Variants in CAMK2D observed in about 807,000 individuals in gnomAD.
CAMK2D encodes calcium/calmodulin dependent protein kinase II delta, also known as calcium/calmodulin-dependent protein kinase type II subunit delta.
CAMK2D carries 37 observed loss-of-function variants against 84.0 expected under a neutral mutation model. The ratio of observed to expected loss-of-function variants is 0.44; its 90% confidence interval spans 0.34 to 0.58. CAMK2D has a LOEUF of 0.58. Ranked by LOEUF, CAMK2D falls within the 20% of genes least tolerant of loss-of-function variation. The pLI is 0.02. For missense variants in CAMK2D, 448 were observed against 652.5 expected (o/e 0.69, Z 3.41); for synonymous variants, 202 against 212.5 (o/e 0.95, Z 0.43).
intron 3 of CAMK2D, among the ~76,000 whole-genome samples, chr4:113,623,536 A>G (rs1483853165): frequency 6.6e-6 from 1 of 152,124 alleles, no homozygotes; most frequent in Admixed American, 6.6e-5. Flanking sequence ...AGCCTACTAC[A>G]CACCTAGCCT....
chr4:113,616,380 T>C (rs923537692), intron 3 of CAMK2D, among the ~76,000 whole-genome samples: 9 of 152,148 alleles, frequency 5.9e-5, no homozygotes, highest in Non-Finnish European at 1.0e-4. Flanking sequence ...ACCCCACTCC[T>C]GATTCAAGAT....
chr4:113,465,746 C>T (rs1350399413), intron 16 of CAMK2D, 142 bp from the exon 17 acceptor site: 5 of 601,646 alleles, frequency 8.3e-6, no homozygotes, highest in Non-Finnish European at 1.5e-5. Flanking sequence ...CTCCCTACAG[C>T]CTTGACCTCC....
intron 2 of CAMK2D, chr4:113,754,169 T>C (rs1474021056): frequency 1.1e-6 from 1 of 927,842 alleles, no homozygotes; most frequent in Non-Finnish European, 1.3e-6. Flanking sequence ...CTAGAAATAC[T>C]ATTGTAACTT....
In CAMK2D at chr4:113,454,401, C is replaced by T; in HGVS notation, c.*144G>A. The T allele has an allele frequency of 2.7e-6, 2 of 737,106 alleles. No individual in the cohort carries two copies. Among genetic ancestry groups the T allele is most frequent in the Non-Finnish European group, 5.0e-6 (2 of 396,050 alleles). 45.7% of individuals were successfully genotyped at this position (737,106 alleles called of 1,614,324 possible). On this transcript the variant is annotated 3_prime_UTR_variant, in exon 21 of 21. Transcript: ENST00000511664. ...ATCACATATGCATTACATGTAGGAC[C>T]TTCACAACTTCATGCACTCAGAAAC... is the stretch of plus-strand genomic sequence containing the variant.
chr4:113,710,786 T>C (rs781550209), intron 2 of CAMK2D, among the ~76,000 whole-genome samples: 1 of 152,162 alleles, frequency 6.6e-6, no homozygotes, highest in Admixed American at 6.5e-5. Flanking sequence ...AGAGAAAATA[T>C]AGAATCAAAG....
intron 17 of CAMK2D, among the ~76,000 whole-genome samples, chr4:113,462,974 T>G (rs75999547): frequency 0.03 from 4,499 of 152,290 alleles, 222 homozygotes; most frequent in African/African-American, 0.1. Context: ...TATAAACAAT[T>G]GTTTAATAGG....
At chr4:113,611,192 A>G (rs2098998973) in intron 3 of CAMK2D, among the ~76,000 whole-genome samples, 1 of 152,200 alleles carries the variant, frequency 6.6e-6, no homozygotes, top group South Asian at 2.1e-4. Flanking sequence ...AGCCTTGCTT[A>G]AACTTATGCT....
chr4:113,608,778 T>C (rs906455396), intron 4 of CAMK2D, among the ~76,000 whole-genome samples: 13 of 152,212 alleles, frequency 8.5e-5, no homozygotes, highest in African/African-American at 2.4e-4. Flanking sequence ...AGTTTCTTCC[T>C]TGAGTCTTCT....
intron 5 of CAMK2D, 127 bp downstream of exon 5, chr4:113,551,904 T>C: frequency 4.5e-6 from 2 of 448,292 alleles, no homozygotes; most frequent in Non-Finnish European, 8.2e-6. Context: ...GAGTTTTTTT[T>C]CTCTAAGAAT....
intron 2 of CAMK2D, among the ~76,000 whole-genome samples, chr4:113,689,962 T>A (rs938212576): frequency 2.6e-5 from 4 of 152,140 alleles, no homozygotes; most frequent in Non-Finnish European, 4.4e-5. Context: ...CAATAAATAT[T>A]TTTTGAACAT....
intron 9 of CAMK2D, 92 bp from the exon 10 acceptor site, chr4:113,515,283 G>T: frequency 2.6e-6 from 2 of 782,454 alleles, no homozygotes; most frequent in Non-Finnish European, 4.0e-6. Flanking sequence ...CCCTCAAGTA[G>T]TGAATTTCTT....
chr4:113,650,410 G>A (rs544425933), intron 3 of CAMK2D, among the ~76,000 whole-genome samples: 17 of 151,500 alleles, frequency 1.1e-4, no homozygotes, highest in African/African-American at 2.2e-4. Context: ...CCAGCTGCTC[G>A]GGAGGCTGAG....
intron 16 of CAMK2D, among the ~76,000 whole-genome samples, chr4:113,496,402 G>C (rs2097931328): frequency 6.6e-6 from 1 of 150,424 alleles, no homozygotes; most frequent in Non-Finnish European, 1.5e-5. Flanking sequence ...TGTTACCACA[G>C]TGCTTCCATG....
At chr4:113,496,372 T>A (rs2097930876) in intron 16 of CAMK2D, among the ~76,000 whole-genome samples, 3 of 152,158 alleles carry the variant, frequency 2.0e-5, no homozygotes, top group Non-Finnish European at 4.4e-5. Flanking sequence ...AAACTTTTTT[T>A]CTTATATAGG....
intron 4 of CAMK2D, among the ~76,000 whole-genome samples, chr4:113,574,104 C>T (rs112666633): frequency 6.6e-6 from 1 of 152,190 alleles, no homozygotes; most frequent in African/African-American, 2.4e-5. Flanking sequence ...ATCCTTAGCT[C>T]CACTTTCAGT....
chr4:113,706,039 A>G (rs2099452806), intron 2 of CAMK2D, among the ~76,000 whole-genome samples: 1 of 152,218 alleles, frequency 6.6e-6, no homozygotes, highest in Non-Finnish European at 1.5e-5. Flanking sequence ...TCATGAGTAA[A>G]GGAGATGCTA....
intron 4 of CAMK2D, among the ~76,000 whole-genome samples, chr4:113,557,264 T>C (rs2098671431): frequency 6.6e-6 from 1 of 152,190 alleles, no homozygotes; most frequent in Non-Finnish European, 1.5e-5. Flanking sequence ...CATCCAATTT[T>C]GTCACATGTC....
chr4:113,726,826 T>TAGTGAA (rs2099547235), intron 2 of CAMK2D, among the ~76,000 whole-genome samples: 1 of 152,172 alleles, frequency 6.6e-6, no homozygotes, highest in Non-Finnish European at 1.5e-5. Flanking sequence ...AATATATTAC[T>TAGTGAA]AGTCAAAGGG....
intron 15 of CAMK2D, among the ~76,000 whole-genome samples, chr4:113,502,718 T>A (rs899270397): frequency 6.6e-6 from 1 of 152,190 alleles, no homozygotes; most frequent in African/African-American, 2.4e-5. Flanking sequence ...TGACTTTTAT[T>A]GACTCATGGT....
Sources: gnomAD v4.1 joint callset for allele counts (sites outside exome capture counted in the v4.1 genomes callset) on GRCh38, gnomAD v4.1.1 for gene constraint, MANE v1.5 for transcripts, NCBI Gene and HGNC (gene_info 2026-07-23, HGNC 2026-07-21) for gene names.